SUSD1: variants seen among roughly 807,000 people sequenced by gnomAD.
SUSD1 encodes sushi domain containing 1.
A neutral mutation model predicts 86.9 loss-of-function variants in SUSD1; 65 were observed. The observed-to-expected ratio is 0.75, with a 90% confidence interval of 0.61 to 0.92. The LOEUF is 0.92. Among genes scored for constraint, SUSD1 ranks in the 40% least tolerant of loss-of-function variants. The probability of loss-of-function intolerance (pLI) is 0.00; values close to 1 mark genes in which losing one functional copy is unlikely to be tolerated. For missense variants in SUSD1, 850 were observed against 929.7 expected (o/e 0.91, Z 1.11); for synonymous variants, 346 against 350.0 (o/e 0.99, Z 0.13).
chr9:112,128,807 AG>A (rs1831890790), intron 5 of SUSD1, among the ~76,000 whole-genome samples: 1 of 152,226 alleles, frequency 6.6e-6, no homozygotes, highest in African/African-American at 2.4e-5. Context: ...GAGATAAGAA[AG>A]CTCTTGGTGG....
At chr9:112,115,096 TC>T (rs1831257335) in intron 6 of SUSD1, among the ~76,000 whole-genome samples, 1 of 152,142 alleles carries the variant, frequency 6.6e-6, no homozygotes, top group Admixed American at 6.6e-5. Context: ...AAAATGACTC[TC>T]CACAACTCAG....
At chr9:112,048,715 C>A (rs1828061878) in intron 15 of SUSD1, among the ~76,000 whole-genome samples, 1 of 152,126 alleles carries the variant, frequency 6.6e-6, no homozygotes, top group Admixed American at 6.6e-5. Flanking sequence ...GCAGATCCTG[C>A]CCTGTTGAGA....
chr9:112,114,138 A>G (rs1831215006), intron 6 of SUSD1, among the ~76,000 whole-genome samples: 2 of 152,170 alleles, frequency 1.3e-5, no homozygotes, highest in African/African-American at 2.4e-5. Context: ...TATACTAGCA[A>G]TGAGCAGTCC....
At chr9:112,143,868 T>C (rs1051685159) in intron 3 of SUSD1, among the ~76,000 whole-genome samples, 1 of 152,126 alleles carries the variant, frequency 6.6e-6, no homozygotes, top group Non-Finnish European at 1.5e-5. Flanking sequence ...GTTCTGGGAT[T>C]TTACAAAAGC....
intron 14 of SUSD1, among the ~76,000 whole-genome samples, chr9:112,056,564 T>A (rs1201568797): frequency 6.6e-6 from 1 of 152,220 alleles, no homozygotes; most frequent in Non-Finnish European, 1.5e-5. Context: ...CATCGCAATT[T>A]AAATATGTAG....
chr9:112,130,264 C>G (rs892571821), intron 5 of SUSD1, among the ~76,000 whole-genome samples: 9 of 151,992 alleles, frequency 5.9e-5, no homozygotes, highest in South Asian at 4.2e-4. Flanking sequence ...TCCCAGCTAC[C>G]TGGTAGGTTG....
rs1831158790 is a variant in SUSD1 at position 112,112,789 on chromosome 9, G to A, written c.966C>T (p.Asn322=). ...TACTTACCACATATGAGATCTTGGG[G>A]TTTATTCTTCTTGAGTTTATTTGCC... ...VRWQINSRRI[N]PKISYVISIK... Residue 322 remains asparagine (N), a synonymous_variant, in exon 7 of 17, where the codon AAC becomes AAT. Transcript: ENST00000374270. The A allele has an allele frequency of 3.1e-6, 5 of 1,611,934 alleles. No individual in the cohort carries two copies. The highest frequency in any genetic ancestry group is 1.7e-4 in the Middle Eastern group (1 of 6,058).
chr9:112,116,257 C>A (rs1401323931), intron 6 of SUSD1, among the ~76,000 whole-genome samples: 1 of 152,212 alleles, frequency 6.6e-6, no homozygotes, highest in Non-Finnish European at 1.5e-5. Context: ...CCAGCCTGTG[C>A]CATGCTCTCT....
chr9:112,155,621 T>C (rs1183449111), intron 2 of SUSD1, among the ~76,000 whole-genome samples: 1 of 151,852 alleles, frequency 6.6e-6, no homozygotes, highest in Non-Finnish European at 1.5e-5. Context: ...TTTTAGTTTC[T>C]TTTTTTTATT....
chr9:112,064,590 G>A (rs1452640431), intron 12 of SUSD1, among the ~76,000 whole-genome samples: 23 of 152,124 alleles, frequency 1.5e-4, no homozygotes, highest in Admixed American at 1.1e-3. Context: ...CATTTTGGCC[G>A]GGTGCGGGGG....
In SUSD1 at chr9:112,041,446, C is replaced by T; in HGVS notation, c.*46G>A. On this transcript the variant is annotated 3_prime_UTR_variant, in exon 17 of 17. Transcript: ENST00000374270. Reference sequence around the variant, plus strand: ...GGGCACCTGAGAAGCTGCCAGAACACCTGCCCAGCAGCAGTGCATCCTCCC... The same window carrying T: ...GGGCACCTGAGAAGCTGCCAGAACATCTGCCCAGCAGCAGTGCATCCTCCC... 1.3e-6 allele frequency: 1 copy of T among 780,994 alleles called. No individual in the cohort carries two copies. The highest frequency in any genetic ancestry group is 2.4e-6 in the Non-Finnish European group (1 of 418,118). The allele number at this position is 780,994 out of a possible 1,614,324, so 48.4% of individuals were successfully genotyped here. A position where few individuals can be genotyped will look rare whatever the true frequency, so the allele number is the denominator to read the frequency against.
At chr9:112,138,281 G>GTGTGTATATAC (rs1491304710) in intron 5 of SUSD1, among the ~76,000 whole-genome samples, 1 of 47,236 alleles carries the variant, frequency 2.1e-5, no homozygotes, top group African/African-American at 9.4e-5. Flanking sequence ...ATATATATAT[G>GTGTGTATATAC]AAGTCCAGGA....
intron 1 of SUSD1, among the ~76,000 whole-genome samples, chr9:112,170,995 G>A (rs1269194232): frequency 1.3e-5 from 2 of 152,114 alleles, no homozygotes; most frequent in Admixed American, 1.3e-4. Context: ...TTATAGGCGT[G>A]AGCCACCGCA....
chr9:112,150,053 C>G (rs1018146385), intron 2 of SUSD1, among the ~76,000 whole-genome samples: 1 of 152,192 alleles, frequency 6.6e-6, no homozygotes, highest in Non-Finnish European at 1.5e-5. Context: ...GCAAAATGAA[C>G]GTAAATCTCC....
intron 2 of SUSD1, among the ~76,000 whole-genome samples, chr9:112,153,609 ATACTT>A (rs1233501638): frequency 3.4e-5 from 5 of 145,776 alleles, no homozygotes; most frequent in Non-Finnish European, 7.4e-5. Flanking sequence ...ATTACATACT[ATACTT>A]TTTTTTTTTT....
At chr9:112,132,629 T>G (rs1005310598) in intron 5 of SUSD1, among the ~76,000 whole-genome samples, 2 of 152,218 alleles carry the variant, frequency 1.3e-5, no homozygotes, top group Non-Finnish European at 2.9e-5. Context: ...AATCAGATAA[T>G]TCAGCTTGAT....
intron 15 of SUSD1, among the ~76,000 whole-genome samples, chr9:112,048,676 C>T (rs1323694341): frequency 6.6e-6 from 1 of 152,132 alleles, no homozygotes; most frequent in Non-Finnish European, 1.5e-5. Flanking sequence ...ACCCATTGCT[C>T]TAAAATATAG....
chr9:112,089,828 AAAAAGAAAAG>A (rs1475015396), intron 10 of SUSD1, among the ~76,000 whole-genome samples: 1 of 145,578 alleles, frequency 6.9e-6, no homozygotes, highest in Non-Finnish European at 1.5e-5. Context: ...AAAAAAAAAA[AAAAAGAAAAG>A]AAAAGAAAAG....
chr9:112,092,723 T>C (rs1352591112), intron 10 of SUSD1, among the ~76,000 whole-genome samples: 2 of 152,164 alleles, frequency 1.3e-5, no homozygotes, highest in Non-Finnish European at 2.9e-5. Flanking sequence ...ACTCTTTTGT[T>C]TTAAAAAATT....
Sources: gnomAD v4.1 joint callset for allele counts (sites outside exome capture counted in the v4.1 genomes callset) on GRCh38, gnomAD v4.1.1 for gene constraint, MANE v1.5 for transcripts, NCBI Gene and HGNC (gene_info 2026-07-23, HGNC 2026-07-21) for gene names.